Variants in SOX5 observed in about 807,000 individuals in gnomAD.
The protein encoded by SOX5 is SRY-box transcription factor 5.
In SOX5, 9 loss-of-function variants were observed where a neutral mutation model predicts 92.0. The observed-to-expected ratio is 0.10, with a 90% confidence interval of 0.06 to 0.17. The LOEUF is 0.17. SOX5 is among the 10% of genes least tolerant of loss of function. The pLI is 1.00. For synonymous variants in SOX5, 344 were observed against 336.3 expected (o/e 1.02, Z -0.25); for missense variants, 642 against 944.5 (o/e 0.68, Z 4.20).
chr12:24,195,307 A>G (rs1184511703), intron 4 of SOX5, among the ~76,000 whole-genome samples: 1 of 152,092 alleles, frequency 6.6e-6, no homozygotes, highest in Non-Finnish European at 1.5e-5. Flanking sequence ...AATTCAGTCT[A>G]TTTTCTGTTG....
At chr12:24,224,913 G>A (rs1961528456) in intron 3 of SOX5, among the ~76,000 whole-genome samples, 1 of 152,076 alleles carries the variant, frequency 6.6e-6, no homozygotes, top group African/African-American at 2.4e-5. Flanking sequence ...ATTCTCTTTA[G>A]AAACACACAG....
At chr12:24,257,991 G>A (rs1001262957) in intron 3 of SOX5, among the ~76,000 whole-genome samples, 1 of 151,980 alleles carries the variant, frequency 6.6e-6, no homozygotes, top group Non-Finnish European at 1.5e-5. Context: ...TGGCTAACAT[G>A]GTGAAACCCC....
chr12:23,978,594 C>T (rs1949176263), intron 4 of SOX5, among the ~76,000 whole-genome samples: 1 of 152,068 alleles, frequency 6.6e-6, no homozygotes, highest in Admixed American at 6.6e-5. Flanking sequence ...GAAATATTTG[C>T]TTTAAACCTA....
intron 2 of SOX5, among the ~76,000 whole-genome samples, chr12:23,887,042 GA>G (rs1244512385): frequency 2.0e-5 from 3 of 152,112 alleles, no homozygotes; most frequent in Non-Finnish European, 4.4e-5. Flanking sequence ...AGAATAAATT[GA>G]AGAAATATAC....
At chr12:24,468,536 CT>C in intron 1 of SOX5, among the ~76,000 whole-genome samples, 1 of 152,142 alleles carries the variant, frequency 6.6e-6, no homozygotes, top group South Asian at 2.1e-4. Flanking sequence ...GATCCCAGAC[CT>C]CAGAAAATTC....
chr12:24,311,018 C>A (rs531101540), intron 2 of SOX5, among the ~76,000 whole-genome samples: 1 of 152,276 alleles, frequency 6.6e-6, no homozygotes, highest in East Asian at 1.9e-4. Flanking sequence ...AACTACAGAG[C>A]AAGAAGGTCA....
intron 3 of SOX5, among the ~76,000 whole-genome samples, chr12:23,820,525 T>G (rs1253172484): frequency 6.6e-6 from 1 of 152,238 alleles, no homozygotes; most frequent in African/African-American, 2.4e-5. Context: ...TTGTATTGAC[T>G]AGGTTTTCTT....
rs16926400 is a variant in SOX5 at position 23,576,437 on chromosome 12, T to A, written c.1165-599A>T. 8.2e-3 allele frequency among the ~76,000 whole-genome samples: 1,249 copies of A among 152,344 alleles called. 19 individuals are homozygous for A. The highest frequency in any genetic ancestry group is 0.028 in the African/African-American group (1,176 of 41,576). On this transcript the variant is annotated intron_variant, in intron 9 of 14. Coordinates refer to ENST00000451604, the MANE Select transcript of SOX5 (RefSeq NM_006940.6). ...GATCTAAAAATGAAAATAAACATAA[T>A]TAACATCACCCTACTATGTGCAACT...
chr12:23,794,116 T>A (rs556499475), intron 3 of SOX5, among the ~76,000 whole-genome samples: 50 of 152,270 alleles, frequency 3.3e-4, no homozygotes, highest in African/African-American at 1.2e-3. Context: ...ATTTTAAAAG[T>A]TTTATCTAGA....
intron 4 of SOX5, among the ~76,000 whole-genome samples, chr12:24,056,911 C>T (rs1171883424): frequency 7.4e-6 from 1 of 134,576 alleles, no homozygotes; most frequent in African/African-American, 2.8e-5. Context: ...GGAGGCGGAG[C>T]TTGCAGTGAG....
intron 4 of SOX5, among the ~76,000 whole-genome samples, chr12:24,019,874 G>T (rs1954089133): frequency 6.6e-6 from 1 of 152,158 alleles, no homozygotes; most frequent in Non-Finnish European, 1.5e-5. Context: ...ACGAGAAGCA[G>T]TTGAGGGAAT....
chr12:23,911,546 T>C (rs966035228), intron 1 of SOX5, among the ~76,000 whole-genome samples: 3 of 152,152 alleles, frequency 2.0e-5, no homozygotes, highest in Admixed American at 1.3e-4. Flanking sequence ...TGTAAATGAC[T>C]TATTAATAAC....
At chr12:23,709,058 G>T (rs2091767838) in intron 6 of SOX5, among the ~76,000 whole-genome samples, 1 of 150,838 alleles carries the variant, frequency 6.6e-6, no homozygotes, top group Non-Finnish European at 1.5e-5. Flanking sequence ...AGAGTAGAAG[G>T]TTAGGGACAA....
chr12:24,281,287 G>C (rs1051638604), intron 2 of SOX5, among the ~76,000 whole-genome samples: 7 of 139,786 alleles, frequency 5.0e-5, no homozygotes, highest in African/African-American at 1.9e-4. Context: ...TTGCCAACCA[G>C]AGTCATTTAT....
chr12:24,521,981 GA>G (rs945026196), intron 1 of SOX5, among the ~76,000 whole-genome samples: 2 of 148,382 alleles, frequency 1.3e-5, no homozygotes, highest in Admixed American at 6.7e-5. Context: ...CCATAAAATA[GA>G]AAAAAAAATC....
chr12:23,908,045 T>C (rs1001128519), intron 1 of SOX5, among the ~76,000 whole-genome samples: 3 of 152,206 alleles, frequency 2.0e-5, no homozygotes, highest in Admixed American at 6.5e-5. Flanking sequence ...TGGCTAAGTC[T>C]AAATAAATAG....
chr12:24,346,687 G>A (rs769661522), intron 2 of SOX5, among the ~76,000 whole-genome samples: 8 of 152,190 alleles, frequency 5.3e-5, no homozygotes, highest in Non-Finnish European at 1.0e-4. Flanking sequence ...TCCTGACCTT[G>A]TGATCCACCC....
intron 1 of SOX5, among the ~76,000 whole-genome samples, chr12:23,928,350 G>A (rs891471106): frequency 4.0e-5 from 6 of 151,894 alleles, no homozygotes; most frequent in South Asian, 2.1e-4. Flanking sequence ...CTCGGGTGTG[G>A]CCAAGGAATT....
chr12:24,127,107 G>A (rs773511303), intron 4 of SOX5, among the ~76,000 whole-genome samples: 2 of 151,972 alleles, frequency 1.3e-5, no homozygotes, highest in Non-Finnish European at 2.9e-5. Context: ...ACAAGTTGAT[G>A]CCAGGCACAG....
Sources: gnomAD v4.1 joint callset for allele counts (sites outside exome capture counted in the v4.1 genomes callset) on GRCh38, gnomAD v4.1.1 for gene constraint, MANE v1.5 for transcripts, NCBI Gene and HGNC (gene_info 2026-07-23, HGNC 2026-07-21) for gene names.